Variants in SVEP1 observed in about 807,000 individuals in gnomAD.
The protein encoded by SVEP1 is sushi, von Willebrand factor type A, EGF and pentraxin domain containing 1.
In SVEP1, 164 loss-of-function variants were observed where a neutral mutation model predicts 367.3. That is an observed-to-expected ratio of 0.45 (90% CI 0.39 to 0.51). The LOEUF is 0.51. Among genes scored for constraint, SVEP1 ranks in the 20% least tolerant of loss-of-function variants. SVEP1 has a pLI of 0.00. For missense variants in SVEP1, 4,117 were observed against 4,425.3 expected, an observed-to-expected ratio of 0.93 and a Z score of 1.98; for synonymous variants, 1,666 against 1,611.6, an observed-to-expected ratio of 1.03 and a Z score of -0.81.
intron 3 of SVEP1, among the ~76,000 whole-genome samples, chr9:110,516,037 C>T (rs1436619297): frequency 6.6e-6 from 1 of 151,708 alleles, no homozygotes; most frequent in Non-Finnish European, 1.5e-5. Flanking sequence ...ATGTTCTTTA[C>T]CACTACACGT....
At chr9:110,387,719 A>C (rs544938278) in intron 41 of SVEP1, among the ~76,000 whole-genome samples, 154 of 152,244 alleles carry the variant, frequency 1.0e-3, no homozygotes, top group African/African-American at 3.1e-3. Context: ...GGGGACAGGG[A>C]GTATGGATGA....
chr9:110,527,037 A>G (rs1230056424), intron 3 of SVEP1, among the ~76,000 whole-genome samples: 1 of 152,094 alleles, frequency 6.6e-6, no homozygotes, highest in African/African-American at 2.4e-5. Flanking sequence ...GGCGGTGGCT[A>G]TGGGTTGGTG....
intron 25 of SVEP1, among the ~76,000 whole-genome samples, chr9:110,446,416 C>T (rs1828600988): frequency 6.6e-6 from 1 of 152,188 alleles, no homozygotes; most frequent in Non-Finnish European, 1.5e-5. Flanking sequence ...GCTGCAAGGG[C>T]AACATGCTGC....
At chr9:110,533,775 C>T (rs1830049638) in intron 3 of SVEP1, among the ~76,000 whole-genome samples, 1 of 152,196 alleles carries the variant, frequency 6.6e-6, no homozygotes, top group Non-Finnish European at 1.5e-5. Flanking sequence ...ATCATCTAAA[C>T]TTGGCTAATC....
At chr9:110,514,223 T>C in intron 3 of SVEP1, 117 bp from the exon 4 acceptor site, 1 of 1,360,862 alleles carries the variant, frequency 7.3e-7, no homozygotes, top group South Asian at 1.3e-5. Context: ...ATAGAAATGG[T>C]GATGTAGGCT....
intron 36 of SVEP1, among the ~76,000 whole-genome samples, chr9:110,424,572 T>C (rs1252076008): frequency 1.3e-5 from 2 of 152,200 alleles, no homozygotes; most frequent in African/African-American, 4.8e-5. Context: ...CTTTTATAAA[T>C]AGAGATCTAA....
intron 40 of SVEP1, among the ~76,000 whole-genome samples, chr9:110,390,365 T>TTA (rs1554710789): frequency 5.3e-4 from 8 of 15,016 alleles, no homozygotes; most frequent in South Asian, 1.9e-3. Flanking sequence ...ATATATATAC[T>TTA]TATATCTACT....
intron 34 of SVEP1, 131 bp downstream of exon 34, chr9:110,429,789 T>TA (rs2118549139): frequency 1.4e-6 from 1 of 690,034 alleles, no homozygotes; most frequent in East Asian, 2.7e-5. Context: ...CTATGTATCA[T>TA]TCGATTAATT....
chr9:110,441,442 C>T (rs1828508224), intron 27 of SVEP1, among the ~76,000 whole-genome samples: 1 of 152,192 alleles, frequency 6.6e-6, no homozygotes, highest in Admixed American at 6.5e-5. Flanking sequence ...TCTCTGCCCT[C>T]TCCTCATAAC....
chr9:110,402,888 A>G (rs1392696984), intron 39 of SVEP1, among the ~76,000 whole-genome samples: 2 of 152,196 alleles, frequency 1.3e-5, no homozygotes, highest in Non-Finnish European at 2.9e-5. Flanking sequence ...ACATTGACCA[A>G]TCATTGAGTA....
chr9:110,397,868 C>T (rs1213459610), intron 40 of SVEP1, among the ~76,000 whole-genome samples: 12 of 152,082 alleles, frequency 7.9e-5, no homozygotes, highest in South Asian at 4.1e-4. Context: ...GAAGAACATT[C>T]CATGCTCATG....
intron 1 of SVEP1, among the ~76,000 whole-genome samples, chr9:110,559,584 G>A (rs1008762568): frequency 6.6e-6 from 1 of 151,730 alleles, no homozygotes; most frequent in Non-Finnish European, 1.5e-5. Context: ...AAAATACATA[G>A]GAAAACAGAT....
intron 9 of SVEP1, 25 bp downstream of exon 9, chr9:110,489,625 G>A (rs778289408): frequency 4.0e-5 from 64 of 1,596,948 alleles, no homozygotes; most frequent in Admixed American, 5.3e-5. Flanking sequence ...TTTGGATGGG[G>A]AAACAACCAA....
At position 110,429,349 on chromosome 9, in the gene SVEP1, G is replaced by A; in HGVS notation, c.5616-15C>T. On this transcript the variant is annotated splice_polypyrimidine_tract_variant and intron_variant, in intron 34 of 47. Coordinates refer to ENST00000374469, the MANE Select transcript of SVEP1 (RefSeq NM_153366.4). ...CTTTATTACACCTAAAGAAGATAGA[G>A]GAAAATTACAGGATATAATTTGCTT... 6.7e-7 allele frequency: 1 copy of A among 1,487,738 alleles called. No homozygotes were observed. Among genetic ancestry groups the A allele is most frequent in the Non-Finnish European group, 8.9e-7 (1 of 1,119,860 alleles). 92.2% of individuals were successfully genotyped at this position (1,487,738 alleles called of 1,614,324 possible).
intron 3 of SVEP1, among the ~76,000 whole-genome samples, chr9:110,514,717 A>G (rs2118780108): frequency 6.6e-6 from 1 of 152,308 alleles, no homozygotes; most frequent in East Asian, 1.9e-4. Flanking sequence ...AATTCAAAAT[A>G]GCAATTTATA....
At chr9:110,448,874 G>C (rs1257888846) in intron 24 of SVEP1, among the ~76,000 whole-genome samples, 5 of 152,234 alleles carry the variant, frequency 3.3e-5, no homozygotes, top group African/African-American at 1.2e-4. Context: ...CTCATTGGCA[G>C]AGTTGCCTTC....
rs16915071 is a variant in SVEP1, at chr9:110,506,767, A to G, written c.1304-3550T>C. ...GCAGGGGAAGGAGGGAGGAGCGTAA[A>G]GGAGAAAGGAAAAGTCGTGAAGAAG... is the stretch of plus-strand genomic sequence containing the variant. On this transcript the variant is annotated intron_variant, in intron 5 of 47. Coordinates refer to ENST00000374469, the MANE Select transcript of SVEP1 (RefSeq NM_153366.4). Among the ~76,000 whole-genome samples, 472 of 152,228 alleles carry G rather than the reference A, an allele frequency of 3.1e-3. 4 individuals are homozygous for G. Among genetic ancestry groups the G allele is most frequent in the African/African-American group, 0.011 (452 of 41,540 alleles).
intron 14 of SVEP1, among the ~76,000 whole-genome samples, chr9:110,474,551 G>A (rs888820173): frequency 2.0e-5 from 3 of 152,006 alleles, no homozygotes; most frequent in South Asian, 4.2e-4. Context: ...GACAAATATC[G>A]CTCATCTCAT....
At chr9:110,449,865 T>C (rs1190300218) in intron 24 of SVEP1, among the ~76,000 whole-genome samples, 194 bp downstream of exon 24, 1 of 152,188 alleles carries the variant, frequency 6.6e-6, no homozygotes, top group East Asian at 1.9e-4. Flanking sequence ...GGTTGCCTAT[T>C]TTAAAATGAT....
Sources: allele counts gnomAD v4.1 joint callset (sites outside exome capture counted in the v4.1 genomes callset), GRCh38; gene constraint gnomAD v4.1.1; transcripts MANE v1.5; gene names NCBI Gene and HGNC (gene_info 2026-07-23, HGNC 2026-07-21).